FMN1: variants seen among roughly 807,000 people sequenced by gnomAD.
FMN1 encodes formin 1.
A neutral mutation model predicts 132.4 loss-of-function variants in FMN1; 110 were observed. The observed-to-expected ratio is 0.83, with a 90% CI of 0.71 to 0.97. FMN1 has a LOEUF of 0.97. Among genes scored for constraint, FMN1 ranks in the 50% least tolerant of loss-of-function variants. The pLI, the probability that FMN1 is intolerant of heterozygous loss-of-function variation, is 0.00. For missense variants in FMN1, 1,792 were observed against 1,705.3 expected (o/e 1.05, Z -0.90); for synonymous variants, 722 against 651.7 (o/e 1.11, Z -1.64).
At chr15:32,842,315 C>G (rs530720715) in intron 17 of FMN1, among the ~76,000 whole-genome samples, 3 of 152,174 alleles carry the variant, frequency 2.0e-5, no homozygotes, top group East Asian at 1.9e-4. Context: ...TCCATCCACC[C>G]GAGCCGAGGC....
chr15:32,837,067 A>G lies in FMN1; in HGVS notation c.3928+19948T>C, dbSNP rs115824365. 2.1e-3 allele frequency: 487 copies of G among 230,340 alleles called. 2 individuals carry two copies. Among genetic ancestry groups the G allele is most frequent in the African/African-American group, 0.011 (459 of 43,340 alleles). 14.3% of individuals were successfully genotyped at this position (230,340 alleles called of 1,614,324 possible). ...TCTTCATCCTTCTCACTCTGCTACA[A>G]TGCTGTGTCTGTTCACCGCCAGGAG... On this transcript the variant is annotated intron_variant, in intron 17 of 20. Coordinates refer to ENST00000616417, the MANE Select transcript of FMN1 (RefSeq NM_001277313.2).
intron 17 of FMN1, among the ~76,000 whole-genome samples, chr15:32,839,441 C>T (rs762901972): frequency 6.6e-5 from 10 of 152,032 alleles, no homozygotes; most frequent in Non-Finnish European, 8.8e-5. Flanking sequence ...CTGCTTGTCT[C>T]GTAGACTGGA....
chr15:32,837,692 G>A (rs911696609), intron 17 of FMN1, among the ~76,000 whole-genome samples: 1 of 152,224 alleles, frequency 6.6e-6, no homozygotes, highest in Non-Finnish European at 1.5e-5. Context: ...CTCCTGAAAG[G>A]TGGAGTAAGA....
chr15:32,925,474 T>G (rs1336325826), intron 10 of FMN1, among the ~76,000 whole-genome samples: 2 of 152,110 alleles, frequency 1.3e-5, no homozygotes, highest in African/African-American at 4.8e-5. Flanking sequence ...CAGCAAAACC[T>G]AAAATGTGGG....
intron 6 of FMN1, among the ~76,000 whole-genome samples, chr15:33,044,678 CCT>C (rs902064635): frequency 6.6e-6 from 1 of 152,104 alleles, no homozygotes; most frequent in Non-Finnish European, 1.5e-5. Flanking sequence ...CCCAGGGTCA[CCT>C]CTCTACTGAG....
At chr15:32,936,683 G>C (rs2061279757) in intron 9 of FMN1, among the ~76,000 whole-genome samples, 1 of 151,774 alleles carries the variant, frequency 6.6e-6, no homozygotes, top group African/African-American at 2.4e-5. Context: ...GGAGGAGAAA[G>C]AAGGAAGGAA....
intron 19 of FMN1, among the ~76,000 whole-genome samples, chr15:32,784,345 T>C (rs1010659249): frequency 6.6e-6 from 1 of 152,072 alleles, no homozygotes; most frequent in Non-Finnish European, 1.5e-5. Flanking sequence ...TGATGATTTA[T>C]GTATGTTTTT....
In FMN1 at chr15:33,106,862, G is replaced by A. The variant is rs148177971; in HGVS notation, c.1868-17888C>T. 1.3e-3 allele frequency among the ~76,000 whole-genome samples: 194 copies of A among 152,092 alleles called. 5 individuals are homozygous for A. In the East Asian group the frequency reaches 0.032, roughly 25 times the overall value. The stretch of plus-strand genomic sequence containing the variant: ...GCTCTAAATGTTTCAGCACCCCAAA[G>A]ATATGTGCAGAATCTTCTCTGTCTT... On this transcript the variant is annotated intron_variant, in intron 4 of 20. Transcript: ENST00000616417.
chr15:33,134,224 C>T (rs1418183310), intron 4 of FMN1, among the ~76,000 whole-genome samples: 1 of 152,158 alleles, frequency 6.6e-6, no homozygotes, highest in East Asian at 1.9e-4. Flanking sequence ...GCTGGGATTA[C>T]AAGTGTGAGC....
At chr15:32,991,135 A>G (rs2033408802) in intron 7 of FMN1, among the ~76,000 whole-genome samples, 1 of 152,170 alleles carries the variant, frequency 6.6e-6, no homozygotes, top group South Asian at 2.1e-4. Flanking sequence ...ACAACCAAGC[A>G]AAGAAATAAA....
chr15:33,094,711 AAT>A (rs1340746476), intron 4 of FMN1, among the ~76,000 whole-genome samples: 1 of 152,196 alleles, frequency 6.6e-6, no homozygotes, highest in Non-Finnish European at 1.5e-5. Context: ...GAAGTATATA[AAT>A]ATCTCTTTGA....
At position 32,945,383 on chromosome 15, in the gene FMN1, A is replaced by G. The variant is rs973230736; in HGVS notation, c.3138+18724T>C. 2.0e-5 allele frequency among the ~76,000 whole-genome samples: 3 copies of G among 152,194 alleles called. 1 individual carries two copies. The highest frequency in any genetic ancestry group is 4.4e-5 in the Non-Finnish European group (3 of 68,036). On this transcript the variant is annotated intron_variant, in intron 9 of 20. Transcript: ENST00000616417. ...CTCATAGAAAGCCAATCCCAAGTATACAGACAGCCATAGTGCCCTCCTAAA... is the reference window on the plus strand; with the variant it reads ...CTCATAGAAAGCCAATCCCAAGTATGCAGACAGCCATAGTGCCCTCCTAAA...
chr15:32,806,467 A>G (rs1165870040), intron 17 of FMN1, among the ~76,000 whole-genome samples: 1 of 152,246 alleles, frequency 6.6e-6, no homozygotes, highest in East Asian at 1.9e-4. Context: ...GGCAGGTATT[A>G]ATACTACATT....
At chr15:32,863,968 T>G (rs1393412109) in intron 16 of FMN1, among the ~76,000 whole-genome samples, 1 of 152,230 alleles carries the variant, frequency 6.6e-6, no homozygotes, top group Non-Finnish European at 1.5e-5. Context: ...CAGTAATATT[T>G]TATTTTGGCT....
chr15:33,077,033 G>T (rs1338216900), intron 5 of FMN1, among the ~76,000 whole-genome samples: 1 of 152,156 alleles, frequency 6.6e-6, no homozygotes, highest in Non-Finnish European at 1.5e-5. Flanking sequence ...CCACAGCTAT[G>T]ATCCAATTTT....
rs536624797 is a variant in FMN1 at position 33,153,365 on chromosome 15, G to A, written c.1550C>T (p.Thr517Met). 17 of 1,536,448 alleles carry A rather than the reference G, an allele frequency of 1.1e-5. No individual in the cohort carries two copies. The South Asian group carries it at 1.3e-4, about 12-fold the overall frequency. Residue 517 changes from threonine to methionine, a missense_variant, in exon 4 of 21, where the codon ACG (threonine) becomes ATG (methionine). Physicochemically the swap from Thr to Met is moderately conservative, Grantham distance 81. Transcript: ENST00000616417. ...AGACAGAGGCGAGGGAACAGGTGAC[G>A]TCTGTTTGTGTGTGCTGGACTGCGA... ...SASQSSTHKQ[T>M]SPVPSPLSPR...
intron 6 of FMN1, chr15:33,012,702 T>C (rs6494832): frequency 7.8e-5 from 61 of 786,966 alleles, no homozygotes; most frequent in Non-Finnish European, 1.3e-4. Context: ...AAAGAGGACA[T>C]AGTAGTTCTG....
At chr15:33,109,430 G>A (rs537560098) in intron 4 of FMN1, among the ~76,000 whole-genome samples, 51 of 152,114 alleles carry the variant, frequency 3.4e-4, no homozygotes, top group African/African-American at 1.2e-3. Context: ...CAAAGACAGG[G>A]AATCAACCTA....
Position 33,164,714 on chromosome 15 carries a change from C to T in FMN1, c.-131-9669G>A, listed in dbSNP as rs1038396055. Among the ~76,000 whole-genome samples the T allele has an allele frequency of 2.6e-5, 4 of 152,314 alleles. No homozygotes were observed. The South Asian group carries it at 6.2e-4, about 24-fold the overall frequency. On this transcript the variant is annotated intron_variant, in intron 3 of 20. Transcript: ENST00000616417. ...TCAACACATCACTGGTTTTACATCA[C>T]TATCTGGCTAACATCATCATCTACA... is the stretch of plus-strand genomic sequence containing the variant.
Sources: allele counts gnomAD v4.1 joint callset (sites outside exome capture counted in the v4.1 genomes callset), GRCh38; gene constraint gnomAD v4.1.1; transcripts MANE v1.5; gene names NCBI Gene and HGNC (gene_info 2026-07-23, HGNC 2026-07-21).